Variants in PRKCSH observed in about 807,000 individuals in gnomAD.
The protein encoded by PRKCSH is PRKCSH beta subunit of glucosidase II, also known as glucosidase 2 subunit beta.
Under a neutral mutation model 79.7 loss-of-function variants are expected in PRKCSH, and 42 were observed. The observed-to-expected ratio is 0.53, with a 90% CI of 0.41 to 0.68. The LOEUF (loss-of-function observed/expected upper bound fraction) is 0.68, where lower values mean the gene tolerates loss of function less well. Ranked by LOEUF, PRKCSH falls within the 30% of genes least tolerant of loss-of-function variation. The pLI, the probability that PRKCSH is intolerant of heterozygous loss-of-function variation, is 0.00. For missense variants in PRKCSH, 686 were observed against 709.0 expected, an observed-to-expected ratio of 0.97 and a Z score of 0.37; for synonymous variants, 325 against 288.2, an observed-to-expected ratio of 1.13 and a Z score of -1.29.
Position 11,438,055 on chromosome 19 carries a change from C to T in PRKCSH, c.293-12C>T. 1.9e-6 allele frequency: 3 copies of T among 1,614,096 alleles called. No individual in the cohort carries two copies. Among genetic ancestry groups the T allele is most frequent in the Middle Eastern group, 1.6e-4 (1 of 6,062 alleles). On this transcript the variant is annotated splice_polypyrimidine_tract_variant and intron_variant, in intron 4 of 17. Transcript: ENST00000677123. ...CTGCCAGGTCTGATCTTGGCTTCTG[C>T]CTCTGCCACAGACTGCTGCGATGGA... is the stretch of plus-strand genomic sequence containing the variant.
At position 11,450,198 on chromosome 19, in the gene PRKCSH, C is replaced by T. The variant is rs190549390; in HGVS notation, c.*17-448C>T. ...TACTTTTGAAACTAAATAGGCCAGGCGTCGTGGCTCACATCTGTAATCCCA... is the reference window on the plus strand; with the variant it reads ...TACTTTTGAAACTAAATAGGCCAGGTGTCGTGGCTCACATCTGTAATCCCA... On this transcript the variant is annotated intron_variant, in intron 17 of 17. Coordinates refer to ENST00000677123, the MANE Select transcript of PRKCSH (RefSeq NM_001289104.2). Among the ~76,000 whole-genome samples, 474 of 151,238 alleles carry T rather than the reference C, an allele frequency of 3.1e-3. 3 individuals carry two copies. The highest frequency in any genetic ancestry group is 0.011 in the African/African-American group (451 of 41,302).
rs2144845906 is a variant in PRKCSH, at chr19:11,447,330, C to T, written c.850-109C>T. 2.2e-6 allele frequency: 3 copies of T among 1,389,320 alleles called. No homozygotes were observed. The highest frequency in any genetic ancestry group is 1.9e-5 in the Admixed American group (1 of 51,604). 86.1% of individuals were successfully genotyped at this position (1,389,320 alleles called of 1,614,324 possible). On this transcript the variant is annotated intron_variant, in intron 10 of 17. Transcript: ENST00000677123. The surrounding 1 kb of genome is among the most constrained non-coding windows in gnomAD (Gnocchi z 5.6). Reference sequence around the variant, plus strand: ...CCAGCTGTCGGTCCTCCCTGCAGGCCCCGCAGGAGGGGCAGAGACACCGAG... The same window carrying T: ...CCAGCTGTCGGTCCTCCCTGCAGGCTCCGCAGGAGGGGCAGAGACACCGAG...
chr19:11,445,302 C>T (rs549393999), intron 7 of PRKCSH, 87 bp from the exon 8 acceptor site: 10 of 1,275,484 alleles, frequency 7.8e-6, no homozygotes, highest in East Asian at 4.6e-5. Context: ...ATATAGTAGG[C>T]GCTTGGTGGC....
intron 5 of PRKCSH, among the ~76,000 whole-genome samples, chr19:11,440,090 T>C (rs1969987576): frequency 6.6e-6 from 1 of 151,202 alleles, no homozygotes; most frequent in African/African-American, 2.4e-5. Context: ...TGGCAGATGG[T>C]GTAAAACTCT....
In PRKCSH at chr19:11,448,778, AG is replaced by A; in HGVS notation, c.1287-132del. On this transcript the variant is annotated intron_variant, in intron 14 of 17. Coordinates refer to ENST00000677123, the MANE Select transcript of PRKCSH (RefSeq NM_001289104.2). This position sits in a 1 kb window ranked among gnomAD's most constrained non-coding sequence, Gnocchi z 4.4. ...TCCATATTGAGGGGGAGCAGAAGCC[AG>A]GGGCCAGGTTTAGGGTTGGTCATTG... The A allele has an allele frequency of 1.5e-6, 2 of 1,342,566 alleles. No individual in the cohort carries two copies. The highest frequency in any genetic ancestry group is 2.1e-6 in the Non-Finnish European group (2 of 939,142). 83.2% of individuals were successfully genotyped at this position (1,342,566 alleles called of 1,614,324 possible).
chr19:11,442,649 T>C (rs1028789649), intron 7 of PRKCSH, 134 bp downstream of exon 7: 1 of 1,385,424 alleles, frequency 7.2e-7, no homozygotes, highest in Non-Finnish European at 9.9e-7. Context: ...TTGTGTGCTT[T>C]GAGGTTCGCT....
At chr19:11,441,543 G>A (rs934549506) in intron 6 of PRKCSH, among the ~76,000 whole-genome samples, 186 bp downstream of exon 6, 3 of 152,174 alleles carry the variant, frequency 2.0e-5, no homozygotes, top group Non-Finnish European at 2.9e-5. Flanking sequence ...TAGTTCCCGA[G>A]GGGGAGGCTG....
In PRKCSH at chr19:11,449,186, G is replaced by A; in HGVS notation, c.1461+11G>A. On this transcript the variant is annotated intron_variant, in intron 16 of 17. Transcript: ENST00000677123. The surrounding 1 kb of genome is among the most constrained non-coding windows in gnomAD (Gnocchi z 6.4). Reference sequence around the variant, plus strand: ...AACCGCTCCACCACCGTGAGTGCCTGCAAGGCAGGGGAGCTGGGGCGGGGA... The same window carrying A: ...AACCGCTCCACCACCGTGAGTGCCTACAAGGCAGGGGAGCTGGGGCGGGGA... 6.2e-7 allele frequency: 1 copy of A among 1,613,750 alleles called. No homozygotes were observed.
chr19:11,447,555 G>GGCT lies in PRKCSH; in HGVS notation c.967_968insCTG (p.Glu322_Glu323insAla). 1 of 1,320,894 alleles carries GGCT rather than the reference G, an allele frequency of 7.6e-7. No homozygotes were observed. Among genetic ancestry groups the GGCT allele is most frequent in the Non-Finnish European group, 1.1e-6 (1 of 938,722 alleles). The allele number at this position is 1,320,894 out of a possible 1,614,324, so 81.8% of individuals were successfully genotyped here. ...AGGAGGAGGAGGAGGAGGAGGAGGAGGAAGAAGAGGCTGAAGAAGAGGAGG... is the reference window on the plus strand; with the variant it reads ...AGGAGGAGGAGGAGGAGGAGGAGGAGGCTGAAGAAGAGGCTGAAGAAGAGGAGG... On this transcript the variant is annotated inframe_insertion, in exon 11 of 18. Transcript: ENST00000677123. This position sits in a 1 kb window ranked among gnomAD's most constrained non-coding sequence, Gnocchi z 5.6.
intron 7 of PRKCSH, among the ~76,000 whole-genome samples, chr19:11,442,865 C>T (rs944031708): frequency 1.3e-5 from 2 of 152,072 alleles, no homozygotes; most frequent in Non-Finnish European, 2.9e-5. Context: ...CCACATTTAA[C>T]TAATTGTTTT....
Position 11,447,807 on chromosome 19 carries a change from C to T in PRKCSH, c.1126+18C>T. Reference sequence around the variant, plus strand: ...CATCGATGGTGAGGGTGGGCGGGGGCCAGGCTCCTCGGGTGGGCCCAGCGT... The same window carrying T: ...CATCGATGGTGAGGGTGGGCGGGGGTCAGGCTCCTCGGGTGGGCCCAGCGT... On this transcript the variant is annotated intron_variant, in intron 12 of 17. Coordinates refer to ENST00000677123, the MANE Select transcript of PRKCSH (RefSeq NM_001289104.2). This position sits in a 1 kb window ranked among gnomAD's most constrained non-coding sequence, Gnocchi z 5.6. 1 of 1,546,814 alleles carries T rather than the reference C, an allele frequency of 6.5e-7. No homozygotes were observed. The highest frequency in any genetic ancestry group is 8.7e-7 in the Non-Finnish European group (1 of 1,146,248).
At chr19:11,436,905 T>C (rs1355108951) in intron 3 of PRKCSH, among the ~76,000 whole-genome samples, 1 of 152,224 alleles carries the variant, frequency 6.6e-6, no homozygotes, top group African/African-American at 2.4e-5. Flanking sequence ...TTGCTGAGGC[T>C]GGAGTACAGT....
chr19:11,447,705 C>A lies in PRKCSH; in HGVS notation c.1042C>A (p.Pro348Thr), dbSNP rs1126649. Reference protein sequence around the residue: ...QGEQPKEAPPPLSPPQPASPA... With the variant: ...QGEQPKEAPPTLSPPQPASPA... ...GCCCCTGCCCCAGGAGGCCCCACCG[C>A]CACTGTCACCCCCGCAGCCGGCCAG... The change falls in exon 12 of 18, where the codon CCA (proline) becomes ACA (threonine). Residue 348 changes from proline to threonine, a missense_variant. Physicochemically the swap from Pro to Thr is conservative, Grantham distance 38. This residue lies in a region of PRKCSH where 549 missense variants were observed against 520.2 expected (regional missense o/e 1.06). Coordinates refer to ENST00000677123, the MANE Select transcript of PRKCSH (RefSeq NM_001289104.2). The surrounding 1 kb of genome is among the most constrained non-coding windows in gnomAD (Gnocchi z 5.6). The A allele has an allele frequency of 2.5e-6, 4 of 1,581,956 alleles. No homozygotes were observed. Among genetic ancestry groups the A allele is most frequent in the Non-Finnish European group, 3.4e-6 (4 of 1,164,108 alleles).
chr19:11,448,467 T>C lies in PRKCSH; in HGVS notation c.1197-73T>C. 1 of 1,487,974 alleles carries C rather than the reference T, an allele frequency of 6.7e-7. No individual in the cohort carries two copies. The highest frequency in any genetic ancestry group is 9.4e-7 in the Non-Finnish European group (1 of 1,066,116). 92.2% of individuals were successfully genotyped at this position (1,487,974 alleles called of 1,614,324 possible). A position where few individuals can be genotyped will look rare whatever the true frequency, so the allele number is the denominator to read the frequency against. ...TGGGCACCATTGCTCAGCCAGACCC[T>C]CCTGTGTCTGTCGTCCTGGGTCAGG... On this transcript the variant is annotated intron_variant, in intron 13 of 17. Coordinates refer to ENST00000677123, the MANE Select transcript of PRKCSH (RefSeq NM_001289104.2). The surrounding 1 kb of genome is among the most constrained non-coding windows in gnomAD (Gnocchi z 4.4).
At position 11,447,009 on chromosome 19, in the gene PRKCSH, C is replaced by T; in HGVS notation, c.763-65C>T. On this transcript the variant is annotated intron_variant, in intron 9 of 17. Coordinates refer to ENST00000677123, the MANE Select transcript of PRKCSH (RefSeq NM_001289104.2). The surrounding 1 kb of genome is among the most constrained non-coding windows in gnomAD (Gnocchi z 5.6). The stretch of plus-strand genomic sequence containing the variant: ...CGTGCCTGGCACCGCAGCCCGGGTG[C>T]CGGGGTGGCCGAGATGGGGGACACG... 2.6e-6 allele frequency: 4 copies of T among 1,554,566 alleles called. No homozygotes were observed. In the South Asian group the frequency reaches 4.5e-5, roughly 17 times the overall value.
At chr19:11,436,288 G>T (rs767445288) in intron 2 of PRKCSH, 92 bp downstream of exon 2, 1 of 1,587,682 alleles carries the variant, frequency 6.3e-7, no homozygotes, top group South Asian at 1.1e-5. Context: ...TTTTGACTCA[G>T]TTTCCCGGTA....
Position 11,448,366 on chromosome 19 carries a change from G to A in PRKCSH, c.1196+75G>A. 2 of 1,533,790 alleles carry A rather than the reference G, an allele frequency of 1.3e-6. No homozygotes were observed. Among genetic ancestry groups the A allele is most frequent in the Non-Finnish European group, 1.8e-6 (2 of 1,129,314 alleles). On this transcript the variant is annotated intron_variant, in intron 13 of 17. Coordinates refer to ENST00000677123, the MANE Select transcript of PRKCSH (RefSeq NM_001289104.2). The surrounding 1 kb of genome is among the most constrained non-coding windows in gnomAD (Gnocchi z 4.4). ...TGACTCCCAGGGGAGCTGGTGATGG[G>A]GAATCACTGAGGCAACCACAGGCTG...
In PRKCSH at chr19:11,449,617, A is replaced by T; in HGVS notation, c.*16+189A>T. ...GAGTGCAGTGATGCGACCTCAGCTG[A>T]CTGCAACCTCTACCTCCCGGGTTCA... is the stretch of plus-strand genomic sequence containing the variant. On this transcript the variant is annotated intron_variant, in intron 17 of 17. Transcript: ENST00000677123. The surrounding 1 kb of genome is among the most constrained non-coding windows in gnomAD (Gnocchi z 6.4). 1.4e-6 allele frequency: 1 copy of T among 695,964 alleles called. No individual in the cohort carries two copies. Among genetic ancestry groups the T allele is most frequent in the Non-Finnish European group, 2.4e-6 (1 of 421,662 alleles). 43.1% of individuals were successfully genotyped at this position (695,964 alleles called of 1,614,324 possible). A position where few individuals can be genotyped will look rare whatever the true frequency, so the allele number is the denominator to read the frequency against.
intron 9 of PRKCSH, among the ~76,000 whole-genome samples, chr19:11,446,681 C>T (rs1239764753): frequency 2.0e-5 from 3 of 151,576 alleles, no homozygotes; most frequent in African/African-American, 7.3e-5. Context: ...CTCCTCCTTC[C>T]CCGTGGCCCC....
Sources: allele counts gnomAD v4.1 joint callset (sites outside exome capture counted in the v4.1 genomes callset), GRCh38; gene constraint gnomAD v4.1.1; regional missense constraint gnomAD v4.1.1; non-coding constraint Gnocchi (gnomAD v3.1); transcripts MANE v1.5; gene names NCBI Gene and HGNC (gene_info 2026-07-23, HGNC 2026-07-21).